The following PIM3 variants were observed in gnomAD, a reference collection of about 807,000 sequenced individuals.
PIM3 encodes the protein Pim-3 proto-oncogene, serine/threonine kinase.
Under a neutral mutation model 27.5 loss-of-function variants are expected in PIM3, and 13 were observed. That is an observed-to-expected ratio of 0.47 (90% CI 0.31 to 0.75). The LOEUF (loss-of-function observed/expected upper bound fraction) is 0.75, where lower values mean the gene tolerates loss of function less well. Among genes scored for constraint, PIM3 ranks in the 30% least tolerant of loss-of-function variants. The pLI is 0.05. For synonymous variants in PIM3, 341 were observed against 221.1 expected, an observed-to-expected ratio of 1.54 and a Z score of -4.81; for missense variants, 482 against 476.9, an observed-to-expected ratio of 1.01 and a Z score of -0.10.
At position 49,963,320 on chromosome 22, in the gene PIM3, TCC is replaced by T. The variant is rs1601872014; in HGVS notation, c.*194_*195del. 1.4e-5 allele frequency: 9 copies of T among 627,338 alleles called. No individual in the cohort carries two copies. The East Asian group carries it at 2.8e-4, about 19-fold the overall frequency. The allele number at this position is 627,338 out of a possible 1,614,324, so 38.9% of individuals were successfully genotyped here. Reference sequence around the variant, plus strand: ...ACTTGGTTTTCTCAAGCTCTGTCTGTCCAAAGACGCTCCGGTCGAGGTCCCGC... The same window carrying T: ...ACTTGGTTTTCTCAAGCTCTGTCTGTAAAGACGCTCCGGTCGAGGTCCCGC... On this transcript the variant is annotated 3_prime_UTR_variant, in exon 6 of 6. Transcript: ENST00000360612.
In PIM3 at chr22:49,961,737, G is replaced by A. The variant is rs775149860; in HGVS notation, c.542G>A (p.Arg181His). The change falls in exon 4 of 6, where the codon CGC becomes CAC. Residue 181 changes from arginine to histidine, a missense_variant. By Grantham distance (29) the Arg-to-His change is conservative. Coordinates refer to ENST00000360612, the MANE Select transcript of PIM3 (RefSeq NM_001001852.4). The part of the protein sequence containing the change: ...IKDENLLVDL[R>H]SGELKLIDFG... ...GACGAAAATCTGCTTGTGGACCTGC[G>A]CTCCGGAGAGCTCAAGCTCATCGAC... is the stretch of plus-strand genomic sequence containing the variant. 8.1e-6 allele frequency: 13 copies of A among 1,611,182 alleles called. No homozygotes were observed. The African/African-American group carries it at 1.6e-4, about 20-fold the overall frequency.
chr22:49,963,463 C>A lies in PIM3; in HGVS notation c.*336C>A. ...TTTCCGCCGGCGCAGGGTCCCAAGC[C>A]CACCTCCCGCCCTCAGTCCTGCGGT... On this transcript the variant is annotated 3_prime_UTR_variant, in exon 6 of 6. Transcript: ENST00000360612. 3.8e-6 allele frequency: 1 copy of A among 260,116 alleles called. No homozygotes were observed. The highest frequency in any genetic ancestry group is 7.5e-6 in the Non-Finnish European group (1 of 133,352). 16.1% of individuals were successfully genotyped at this position (260,116 alleles called of 1,614,324 possible).
Position 49,962,931 on chromosome 22 carries a change from T to TCCGCA in PIM3, c.794-7_794-3dup, listed in dbSNP as rs758242581. ...CTTGGGCCCTCCCTGACCTCTCCGC[T>TCCGCA]CCGCACAGAGTGCCAGCAGCTGATC... On this transcript the variant is annotated splice_polypyrimidine_tract_variant and intron_variant, in intron 5 of 5. Transcript: ENST00000360612. 3 of 1,601,762 alleles carry TCCGCA rather than the reference T, an allele frequency of 1.9e-6. No homozygotes were observed. The African/African-American group carries it at 4.0e-5, about 21-fold the overall frequency.
In PIM3 at chr22:49,960,772, G is replaced by A. The variant is rs1244561253; in HGVS notation, c.-176G>A. 6.4e-5 allele frequency: 14 copies of A among 217,058 alleles called. No homozygotes were observed. Among genetic ancestry groups the A allele is most frequent in the Middle Eastern group, 2.0e-3 (1 of 498 alleles). The allele number at this position is 217,058 out of a possible 1,614,324, so 13.4% of individuals were successfully genotyped here. On this transcript the variant is annotated 5_prime_UTR_variant, in exon 1 of 6. Coordinates refer to ENST00000360612, the MANE Select transcript of PIM3 (RefSeq NM_001001852.4). ...AACCCCCGGGCGAGGCGGCCGGGGC[G>A]GGTGAGGCGCTCCGCCTGCTGCGCG...
At position 49,961,037 on chromosome 22, in the gene PIM3, G is replaced by A. The variant is rs1395904817; in HGVS notation, c.85+5G>A. The A allele has an allele frequency of 1.0e-5, 14 of 1,359,794 alleles. No individual in the cohort carries two copies. Among genetic ancestry groups the A allele is most frequent in the Non-Finnish European group, 1.1e-5 (12 of 1,045,240 alleles). The allele number at this position is 1,359,794 out of a possible 1,614,324, so 84.2% of individuals were successfully genotyped here. On this transcript the variant is annotated splice_donor_5th_base_variant and intron_variant, in intron 1 of 5. Coordinates refer to ENST00000360612, the MANE Select transcript of PIM3 (RefSeq NM_001001852.4). ...CGGTGAAGATCCTGCAGCCAGGTAC[G>A]CGCGGGGCCGGCGGGGCCGGGGCCG... is the stretch of plus-strand genomic sequence containing the variant.
chr22:49,962,975 C>G lies in PIM3; in HGVS notation c.829C>G (p.Arg277Gly). ...QQLIRWCLSL[R>G]PSERPSLDQI... ...GCTGATCCGGTGGTGCCTGTCCCTG[C>G]GGCCCTCAGAGCGGCCGTCGCTGGA... Residue 277 changes from arginine to glycine, a missense_variant, in exon 6 of 6, where the codon CGG becomes GGG. Transcript: ENST00000360612. 1 of 1,609,194 alleles carries G rather than the reference C, an allele frequency of 6.2e-7. No individual in the cohort carries two copies. The highest frequency in any genetic ancestry group is 1.3e-5 in the African/African-American group (1 of 75,048).
intron 5 of PIM3, 29 bp from the exon 6 acceptor site, chr22:49,962,911 G>GC: frequency 6.3e-7 from 1 of 1,597,742 alleles, no homozygotes; most frequent in East Asian, 2.2e-5. Context: ...CCCTGCTTGG[G>GC]CCCTCCCTGA....
rs761647284 is a variant in PIM3, at chr22:49,961,405, C to G, written c.246+37C>G. On this transcript the variant is annotated intron_variant, in intron 3 of 5. Transcript: ENST00000360612. ...CACGGGCGGCGGCGGCGGCGGGGGG[C>G]GGGCGCGGGGCTTTTGCTGACCGCC... 2.8e-6 allele frequency: 4 copies of G among 1,419,668 alleles called. No homozygotes were observed. The South Asian group carries it at 6.2e-5, about 22-fold the overall frequency. 87.9% of individuals were successfully genotyped at this position (1,419,668 alleles called of 1,614,324 possible).
intron 3 of PIM3, 32 bp from the exon 4 acceptor site, chr22:49,961,410 G>A (rs762787960): frequency 1.4e-6 from 2 of 1,420,918 alleles, no homozygotes; most frequent in Non-Finnish European, 1.8e-6. Flanking sequence ...GGGGGCGGGC[G>A]CGGGGCTTTT....
rs763589970 is a variant in PIM3 at position 49,963,075 on chromosome 22, C to T, written c.929C>T (p.Thr310Ile). 3 of 1,611,430 alleles carry T rather than the reference C, an allele frequency of 1.9e-6. No homozygotes were observed. Among genetic ancestry groups the T allele is most frequent in the Non-Finnish European group, 2.5e-6 (3 of 1,179,426 alleles). Residue 310 changes from threonine to isoleucine, a missense_variant, in exon 6 of 6, where the codon ACC (threonine) becomes ATC (isoleucine). By Grantham distance (89) the Thr-to-Ile change is moderately conservative. Coordinates refer to ENST00000360612, the MANE Select transcript of PIM3 (RefSeq NM_001001852.4). ...GAGAGCTGTGACCTGCGGCTGTGCA[C>T]CCTCGACCCTGATGACGTGGCCAGC... Reference protein sequence around the residue: ...VPESCDLRLCTLDPDDVASTT... With the variant: ...VPESCDLRLCILDPDDVASTT...
chr22:49,962,825 C>A lies in PIM3; in HGVS notation c.753C>A (p.Ile251=), dbSNP rs139983531. Residue 251 remains isoleucine (I), a synonymous_variant, in exon 5 of 6, where the codon ATC becomes ATA. Coordinates refer to ENST00000360612, the MANE Select transcript of PIM3 (RefSeq NM_001001852.4). Reference sequence around the variant, plus strand: ...TCCCCTTCGAGCAGGACGAGGAGATCCTCCGAGGCCGCCTGCTCTTCCGGA... The same window carrying A: ...TCCCCTTCGAGCAGGACGAGGAGATACTCCGAGGCCGCCTGCTCTTCCGGA... ...GDIPFEQDEE[I]LRGRLLFRRR... is the part of the protein sequence containing the mutation. 1.2e-6 allele frequency: 2 copies of A among 1,611,644 alleles called. No homozygotes were observed. The highest frequency in any genetic ancestry group is 2.7e-5 in the African/African-American group (2 of 75,058).
rs1340551306 is a variant in PIM3, at chr22:49,961,704, A to G, written c.509A>G (p.Asp170Gly). 1 of 1,606,650 alleles carries G rather than the reference A, an allele frequency of 6.2e-7. No individual in the cohort carries two copies. Among genetic ancestry groups the G allele is most frequent in the Non-Finnish European group, 8.5e-7 (1 of 1,177,300 alleles). The change falls in exon 4 of 6, where the codon GAC becomes GGC. Residue 170 changes from aspartate (D) to glycine (G), a missense_variant. By Grantham distance (94) the Asp-to-Gly change is moderately conservative. Transcript: ENST00000360612. ...CACAGCTGCGGGGTCGTGCACCGCG[A>G]CATTAAGGACGAAAATCTGCTTGTG... is the stretch of plus-strand genomic sequence containing the variant. The part of the protein sequence containing the change: ...HCHSCGVVHR[D>G]IKDENLLVDL...
chr22:49,962,838 C>T lies in PIM3; in HGVS notation c.766C>T (p.Leu256=), dbSNP rs775149141. 3.1e-6 allele frequency: 5 copies of T among 1,610,826 alleles called. No homozygotes were observed. The Admixed American group carries it at 5.0e-5, about 16-fold the overall frequency. The change falls in exon 5 of 6, where the codon CTG becomes TTG. Residue 256 remains leucine (L), a synonymous_variant. Coordinates refer to ENST00000360612, the MANE Select transcript of PIM3 (RefSeq NM_001001852.4). Reference sequence around the variant, plus strand: ...GGACGAGGAGATCCTCCGAGGCCGCCTGCTCTTCCGGAGGAGGGTCTCTCC... The same window carrying T: ...GGACGAGGAGATCCTCCGAGGCCGCTTGCTCTTCCGGAGGAGGGTCTCTCC... ...EQDEEILRGR[L]LFRRRVSPEC... is the part of the protein sequence containing the mutation.
rs747355686 is a variant in PIM3 at position 49,962,856 on chromosome 22, G to A, written c.784G>A (p.Val262Ile). 1.1e-5 allele frequency: 18 copies of A among 1,609,100 alleles called. No individual in the cohort carries two copies. Among genetic ancestry groups the A allele is most frequent in the African/African-American group, 2.7e-5 (2 of 74,884 alleles). The change falls in exon 5 of 6, where the codon GTC becomes ATC. Residue 262 changes from valine to isoleucine, a missense_variant. By Grantham distance (29) the Val-to-Ile change is conservative (BLOSUM62 3). Coordinates refer to ENST00000360612, the MANE Select transcript of PIM3 (RefSeq NM_001001852.4). The part of the protein sequence containing the change: ...LRGRLLFRRR[V>I]SPECQQLIRW... The stretch of plus-strand genomic sequence containing the variant: ...AGGCCGCCTGCTCTTCCGGAGGAGG[G>A]TCTCTCCAGGTGCGTGGTGGCTCGA...
At position 49,961,234 on chromosome 22, in the gene PIM3, G is replaced by T; in HGVS notation, c.195G>T (p.Pro65=). The T allele has an allele frequency of 6.5e-7, 1 of 1,535,340 alleles. No individual in the cohort carries two copies. Among genetic ancestry groups the T allele is most frequent in the Admixed American group, 2.1e-5 (1 of 48,766 alleles). ...YAGSRIADGL[P]VAVKHVVKER... is the part of the protein sequence containing the mutation. Reference sequence around the variant, plus strand: ...GTAGCCGCATCGCCGACGGGCTCCCGGTGAGTCGGACCGCCGGGCGGGCCC... The same window carrying T: ...GTAGCCGCATCGCCGACGGGCTCCCTGTGAGTCGGACCGCCGGGCGGGCCC... Residue 65 remains proline, a splice_region_variant and synonymous_variant, in exon 2 of 6, where the codon CCG becomes CCT. Coordinates refer to ENST00000360612, the MANE Select transcript of PIM3 (RefSeq NM_001001852.4).
Position 49,961,333 on chromosome 22 carries a change from G to T in PIM3, c.211G>T (p.Val71Leu). ...ADGLPVAVKHVVKERVTEWGS... is the reference protein window; with the variant it reads ...ADGLPVAVKHLVKERVTEWGS... Reference sequence around the variant, plus strand: ...GTCTCCGCAGGTGGCTGTGAAGCACGTGGTGAAGGAGCGGGTGACCGAGTG... The same window carrying T: ...GTCTCCGCAGGTGGCTGTGAAGCACTTGGTGAAGGAGCGGGTGACCGAGTG... The change falls in exon 3 of 6, where the codon GTG (valine) becomes TTG (leucine). Residue 71 changes from valine (V) to leucine (L), a missense_variant. Coordinates refer to ENST00000360612, the MANE Select transcript of PIM3 (RefSeq NM_001001852.4). 2 of 1,542,500 alleles carry T rather than the reference G, an allele frequency of 1.3e-6. No homozygotes were observed. Among genetic ancestry groups the T allele is most frequent in the Non-Finnish European group, 1.7e-6 (2 of 1,149,508 alleles).
Position 49,962,875 on chromosome 22 carries a change from G to A in PIM3, c.793+10G>A, listed in dbSNP as rs2060916289. 6.2e-7 allele frequency: 1 copy of A among 1,604,684 alleles called. No homozygotes were observed. Among genetic ancestry groups the A allele is most frequent in the Non-Finnish European group, 8.5e-7 (1 of 1,177,610 alleles). ...AGGAGGGTCTCTCCAGGTGCGTGGT[G>A]GCTCGAGGCGGGGGTGGGGGCCTCG... On this transcript the variant is annotated intron_variant, in intron 5 of 5. Transcript: ENST00000360612.
chr22:49,962,640 G>A (rs1268201665), intron 4 of PIM3, 49 bp from the exon 5 acceptor site: 2 of 1,558,552 alleles, frequency 1.3e-6, no homozygotes, highest in African/African-American at 1.4e-5. Flanking sequence ...GCCGTCTGTT[G>A]AGCGGCTCTG....
chr22:49,963,298 T>A lies in PIM3; in HGVS notation c.*171T>A. 1 of 732,006 alleles carries A rather than the reference T, an allele frequency of 1.4e-6. No individual in the cohort carries two copies. The highest frequency in any genetic ancestry group is 2.1e-6 in the Non-Finnish European group (1 of 470,968). The allele number at this position is 732,006 out of a possible 1,614,324, so 45.3% of individuals were successfully genotyped here. On this transcript the variant is annotated 3_prime_UTR_variant, in exon 6 of 6. Transcript: ENST00000360612. ...TTTTGAACGCTGGTCCCGCGGGACT[T>A]GGTTTTCTCAAGCTCTGTCTGTCCA...
Sources: gnomAD v4.1 joint callset for allele counts on GRCh38, gnomAD v4.1.1 for gene constraint, MANE v1.5 for transcripts, NCBI Gene and HGNC (gene_info 2026-07-23, HGNC 2026-07-21) for gene names.